The following TSPAN15 variants were observed in gnomAD, a reference collection of about 807,000 sequenced individuals.
TSPAN15 encodes the protein tetraspanin-15.
Under a neutral mutation model 34.5 loss-of-function variants are expected in TSPAN15, and 20 were observed. The observed-to-expected ratio is 0.58, with a 90% CI of 0.41 to 0.84. The LOEUF (loss-of-function observed/expected upper bound fraction) is 0.84, where lower values mean the gene tolerates loss of function less well. Ranked by LOEUF, TSPAN15 falls within the 40% of genes least tolerant of loss-of-function variation. The probability of loss-of-function intolerance (pLI) is 0.00; values close to 1 mark genes in which losing one functional copy is unlikely to be tolerated. For missense variants in TSPAN15, 313 were observed against 386.1 expected (o/e 0.81, Z 1.59); for synonymous variants, 155 against 153.9 (o/e 1.01, Z -0.05).
At chr10:69,485,106 C>A in intron 2 of TSPAN15, 35 bp from the exon 3 acceptor site, 1 of 1,602,932 alleles carries the variant, frequency 6.2e-7, no homozygotes, top group South Asian at 1.1e-5. Flanking sequence ...GCCCACTGCT[C>A]CTCTCCAGGT....
At chr10:69,484,052 C>G in intron 2 of TSPAN15, 176 bp downstream of exon 2, 1 of 561,564 alleles carries the variant, frequency 1.8e-6, no homozygotes, top group South Asian at 3.4e-5. Flanking sequence ...GCCACCTCCC[C>G]TCCTGCATGT....
chr10:69,451,744 GC>G (rs1840973236), intron 1 of TSPAN15, 54 bp downstream of exon 1: 2 of 1,351,164 alleles, frequency 1.5e-6, no homozygotes, highest in African/African-American at 1.5e-5. Context: ...CAATCCGGCC[GC>G]CCCCTCACTG....
chr10:69,465,141 G>A (rs1079047), intron 1 of TSPAN15, among the ~76,000 whole-genome samples: 60,665 of 152,080 alleles, frequency 0.4, 12,608 homozygotes, highest in Non-Finnish European at 0.45. Context: ...ATCTGGGTGG[G>A]GCAAGCAGGC....
the TSPAN15 span, among the ~76,000 whole-genome samples, chr10:69,543,993 G>A: frequency 2.6e-5 from 4 of 151,662 alleles, no homozygotes. Flanking sequence ...ATTGGAACTG[G>A]GGGGCTTTTA....
chr10:69,523,325 G>T, the TSPAN15 span: 1 of 500,812 alleles, frequency 2.0e-6, no homozygotes, highest in South Asian at 2.2e-5. Flanking sequence ...GCCAAAGAAA[G>T]CCAGCCCAAG....
At chr10:69,528,096 C>T in the TSPAN15 span, among the ~76,000 whole-genome samples, 38 of 147,994 alleles carry the variant, frequency 2.6e-4, 2 homozygotes, top group Admixed American at 1.1e-3. Context: ...CTACCAAGGG[C>T]CAATCAGGTG....
chr10:69,537,058 T>C, the TSPAN15 span, among the ~76,000 whole-genome samples: 2 of 151,990 alleles, frequency 1.3e-5, no homozygotes, highest in South Asian at 4.2e-4. Flanking sequence ...TAACCCTAAT[T>C]ACCCCTTAAA....
At chr10:69,464,144 C>T (rs926773688) in intron 1 of TSPAN15, among the ~76,000 whole-genome samples, 5 of 152,254 alleles carry the variant, frequency 3.3e-5, no homozygotes, top group Admixed American at 2.6e-4. Flanking sequence ...CCCCTAGAGC[C>T]TCCGGAGAGA....
chr10:69,507,651 G>GTTTTTTTTTT (rs398014021), exon 8 of TSPAN15: 15 of 1,012,126 alleles, frequency 1.5e-5, no homozygotes, highest in East Asian at 2.5e-4. Flanking sequence ...ATAAAAACAT[G>GTTTTTTTTTT]TTTTTTTTTT....
intron 1 of TSPAN15, among the ~76,000 whole-genome samples, chr10:69,454,751 A>G (rs2133050905): frequency 1.3e-5 from 2 of 152,262 alleles, no homozygotes; most frequent in East Asian, 3.9e-4. Flanking sequence ...CAGGAGACGG[A>G]GGTTGAAGTG....
At chr10:69,466,458 A>G (rs558200122) in intron 1 of TSPAN15, among the ~76,000 whole-genome samples, 1 of 152,186 alleles carries the variant, frequency 6.6e-6, no homozygotes, top group Non-Finnish European at 1.5e-5. Context: ...TTTAATATGC[A>G]TGTGGGAAGT....
In TSPAN15 at chr10:69,507,571, C is replaced by G. The variant is rs201655426; in HGVS notation, c.*593C>G. 3.4e-5 allele frequency: 44 copies of G among 1,303,380 alleles called. No individual in the cohort carries two copies. Among genetic ancestry groups the G allele is most frequent in the Non-Finnish European group, 7.1e-6 (7 of 988,858 alleles). The allele number at this position is 1,303,380 out of a possible 1,614,324, so 80.7% of individuals were successfully genotyped here. On this transcript the variant is annotated 3_prime_UTR_variant, in exon 8 of 8. Coordinates refer to ENST00000373290, the MANE Select transcript of TSPAN15 (RefSeq NM_012339.5). ...TTGTACAGATAACAGGAGTTTCTGA[C>G]TAATCAAAGCTGGTATTTCCCCGCA... is the stretch of plus-strand genomic sequence containing the variant.
the TSPAN15 span, among the ~76,000 whole-genome samples, chr10:69,534,176 C>T: frequency 9.9e-5 from 15 of 152,168 alleles, no homozygotes; most frequent in African/African-American, 3.1e-4. Flanking sequence ...TATTTAAGAT[C>T]TTCAATGAAA....
the TSPAN15 span, among the ~76,000 whole-genome samples, chr10:69,532,090 T>A: frequency 6.6e-6 from 1 of 152,138 alleles, no homozygotes; most frequent in Non-Finnish European, 1.5e-5. Context: ...AGAATTAATA[T>A]TGTGAAAATG....
At chr10:69,543,478 A>G in the TSPAN15 span, among the ~76,000 whole-genome samples, 1 of 152,198 alleles carries the variant, frequency 6.6e-6, no homozygotes, top group Non-Finnish European at 1.5e-5. Context: ...TGTGGTGACA[A>G]CAGCAGTCCA....
intron 2 of TSPAN15, among the ~76,000 whole-genome samples, chr10:69,484,308 G>A (rs1040565248): frequency 3.3e-5 from 5 of 152,174 alleles, no homozygotes; most frequent in Non-Finnish European, 7.3e-5. Flanking sequence ...AGTGGTCACT[G>A]CCGGCGTCAG....
At chr10:69,484,031 A>G in intron 2 of TSPAN15, 155 bp downstream of exon 2, 1 of 678,754 alleles carries the variant, frequency 1.5e-6, no homozygotes, top group Non-Finnish European at 2.3e-6. Context: ...CACTGGCCCA[A>G]GAATGCCCAG....
At position 69,451,557 on chromosome 10, in the gene TSPAN15, C is replaced by T. The variant is rs369939482; in HGVS notation, c.-38C>T. 3 of 1,384,174 alleles carry T rather than the reference C, an allele frequency of 2.2e-6. No homozygotes were observed. The highest frequency in any genetic ancestry group is 3.0e-5 in the African/African-American group (2 of 66,122). 85.7% of individuals were successfully genotyped at this position (1,384,174 alleles called of 1,614,324 possible). A position where few individuals can be genotyped will look rare whatever the true frequency, so the allele number is the denominator to read the frequency against. ...CTGGCTGAGGGACCGAGCCGGAGAG[C>T]CCCGGAGCCCCCGTAACCCGCGCGG... On this transcript the variant is annotated 5_prime_UTR_variant, in exon 1 of 8. Transcript: ENST00000373290.
At chr10:69,458,464 AT>A (rs1841164162) in intron 1 of TSPAN15, among the ~76,000 whole-genome samples, 7 of 152,138 alleles carry the variant, frequency 4.6e-5, no homozygotes, top group Admixed American at 3.9e-4. Context: ...TATTTCTTTA[AT>A]TATCTTTCTT....
Sources: allele counts gnomAD v4.1 joint callset (sites outside exome capture counted in the v4.1 genomes callset), GRCh38; gene constraint gnomAD v4.1.1; transcripts MANE v1.5; gene names NCBI Gene and HGNC (gene_info 2026-07-23, HGNC 2026-07-21).